The following AMMECR1 variants were observed in gnomAD, a reference collection of about 807,000 sequenced individuals.
AMMECR1 encodes the protein nuclear protein AMMECR1.
A neutral mutation model predicts 22.5 loss-of-function variants in AMMECR1; 3 were observed. The ratio of observed to expected loss-of-function variants is 0.13; its 90% CI spans 0.06 to 0.35. AMMECR1 has a LOEUF of 0.35. Among genes scored for constraint, AMMECR1 ranks in the 10% least tolerant of loss-of-function variants. AMMECR1 has a pLI of 1.00. For synonymous variants in AMMECR1, 130 were observed against 116.7 expected, an observed-to-expected ratio of 1.11 and a Z score of -0.74; for missense variants, 235 against 278.7, an observed-to-expected ratio of 0.84 and a Z score of 1.12.
intron 2 of AMMECR1, among the ~76,000 whole-genome samples, chrX:110,220,167 A>T (rs993205061): frequency 8.9e-6 from 1 of 112,256 alleles, no homozygotes; most frequent in Non-Finnish European, 1.9e-5. Context: ...AGCTAAGTTA[A>T]TGACAAGGGT....
chrX:110,312,323 C>T (rs1051432836), intron 1 of AMMECR1, among the ~76,000 whole-genome samples: 1 of 112,603 alleles, frequency 8.9e-6, no homozygotes, highest in Admixed American at 9.3e-5. Flanking sequence ...GACAACAACA[C>T]ACATGTTAGC....
At chrX:110,211,177 TG>T (rs2067446054) in intron 3 of AMMECR1, among the ~76,000 whole-genome samples, 1 of 112,735 alleles carries the variant, frequency 8.9e-6, no homozygotes, top group African/African-American at 3.2e-5. Context: ...TGCCTTCAAG[TG>T]ATCTTGTCTC....
intron 2 of AMMECR1, among the ~76,000 whole-genome samples, chrX:110,401,571 T>A (rs2068565189): frequency 9.0e-6 from 1 of 111,682 alleles, no homozygotes; most frequent in Non-Finnish European, 1.9e-5. Flanking sequence ...TGTAGGTGTT[T>A]CTGTGTTGTG....
intron 2 of AMMECR1, among the ~76,000 whole-genome samples, chrX:110,361,846 A>G (rs1024445697): frequency 8.9e-6 from 1 of 112,306 alleles, no homozygotes; most frequent in Non-Finnish European, 1.9e-5. Context: ...AGGCTTTGTG[A>G]GCCACGTAAT....
At chrX:110,346,021 C>T (rs1479788514) in intron 2 of AMMECR1, among the ~76,000 whole-genome samples, 1 of 111,821 alleles carries the variant, frequency 8.9e-6, no homozygotes, top group Non-Finnish European at 1.9e-5. Flanking sequence ...AGATAATAAA[C>T]AAGGTCATAC....
intron 1 of AMMECR1, among the ~76,000 whole-genome samples, chrX:110,278,781 T>C (rs1252762591): frequency 8.9e-6 from 1 of 111,881 alleles, no homozygotes; most frequent in Non-Finnish European, 1.9e-5. Flanking sequence ...GGTCTGGAAA[T>C]GGCAGTGACC....
chrX:110,216,512 T>C lies in AMMECR1; in HGVS notation c.699+6A>G. On this transcript the variant is annotated splice_donor_region_variant and intron_variant, in intron 3 of 5. Coordinates refer to ENST00000262844, the MANE Select transcript of AMMECR1 (RefSeq NM_015365.3). ...TTTTTCTTTAAAAATTTTTCTATAA[T>C]CTTACCTCCCAGTCCAAATAATCAC... The C allele has an allele frequency of 8.5e-7, 1 of 1,182,195 alleles. No homozygotes were observed. Among genetic ancestry groups the C allele is most frequent in the South Asian group, 1.8e-5 (1 of 54,790 alleles).
At position 110,198,427 on chromosome X, in the gene AMMECR1, G is replaced by T; in HGVS notation, c.*93C>A. On this transcript the variant is annotated 3_prime_UTR_variant, in exon 6 of 6. Transcript: ENST00000262844. The stretch of plus-strand genomic sequence containing the variant: ...CAACGGAAACTATCATCATAAAATG[G>T]TACAGTAAAAGAGATAGCTAGACCA... 1 of 457,005 alleles carries T rather than the reference G, an allele frequency of 2.2e-6. No homozygotes were observed. Among genetic ancestry groups the T allele is most frequent in the Non-Finnish European group, 3.5e-6 (1 of 285,177 alleles). The allele number at this position is 457,005 out of a possible 1,213,427, so 37.7% of individuals were successfully genotyped here.
intron 2 of AMMECR1, among the ~76,000 whole-genome samples, chrX:110,328,229 T>C (rs1405558523): frequency 8.9e-6 from 1 of 111,868 alleles, no homozygotes; most frequent in Admixed American, 9.5e-5. Flanking sequence ...ATTCATTTAC[T>C]GCACAACTTC....
At chrX:110,436,678 A>G (rs1020104443) in intron 1 of AMMECR1, among the ~76,000 whole-genome samples, 5 of 111,699 alleles carry the variant, frequency 4.5e-5, no homozygotes, top group African/African-American at 1.6e-4. Flanking sequence ...TGGACTCTGT[A>G]TCCCCAGGAG....
chrX:110,419,520 A>G (rs1438446412), intron 2 of AMMECR1, among the ~76,000 whole-genome samples: 1 of 112,542 alleles, frequency 8.9e-6, no homozygotes, highest in East Asian at 2.8e-4. Flanking sequence ...TATTTATGGT[A>G]TGTCTCTCCC....
intron 2 of AMMECR1, among the ~76,000 whole-genome samples, chrX:110,376,089 G>C (rs1292017355): frequency 9.0e-6 from 1 of 111,394 alleles, no homozygotes; most frequent in Non-Finnish European, 1.9e-5. Flanking sequence ...CCATGGTAAG[G>C]TGGTTTCAGA....
At chrX:110,371,955 T>C (rs754073546) in intron 2 of AMMECR1, among the ~76,000 whole-genome samples, 1 of 111,613 alleles carries the variant, frequency 9.0e-6, no homozygotes. Context: ...ATGCTCTCAA[T>C]ATCCTACTAG....
rs188448213 is a variant in AMMECR1 at position 110,226,378 on chromosome X, G to A, written c.585-9746C>T. On this transcript the variant is annotated intron_variant, in intron 2 of 5. Coordinates refer to ENST00000262844, the MANE Select transcript of AMMECR1 (RefSeq NM_015365.3). ...CCCAGCACTTTGGGAGGCCAAGGCA[G>A]GCGGATCACGAGGTCAGGAGTTCAA... Among the ~76,000 whole-genome samples, 469 of 111,842 alleles carry A rather than the reference G, an allele frequency of 4.2e-3. 2 individuals are homozygous for A. The highest frequency in any genetic ancestry group is 6.4e-3 in the Non-Finnish European group (339 of 53,140).
intron 1 of AMMECR1, among the ~76,000 whole-genome samples, chrX:110,427,232 T>A (rs763839073): frequency 8.9e-6 from 1 of 111,898 alleles, no homozygotes; most frequent in East Asian, 2.8e-4. Context: ...CTCCCCAAAG[T>A]GGCCTGAGTG....
intron 2 of AMMECR1, among the ~76,000 whole-genome samples, chrX:110,223,278 G>C (rs2067513851): frequency 8.9e-6 from 1 of 112,395 alleles, no homozygotes; most frequent in Non-Finnish European, 1.9e-5. Flanking sequence ...CTTGTTTTTA[G>C]AAATGAACTA....
At chrX:110,365,360 T>A (rs1030462662) in intron 2 of AMMECR1, among the ~76,000 whole-genome samples, 1 of 112,262 alleles carries the variant, frequency 8.9e-6, no homozygotes, top group Non-Finnish European at 1.9e-5. Context: ...GACGTTGAAA[T>A]ACAGAATAAA....
chrX:110,262,356 G>T (rs1018461485), intron 2 of AMMECR1, among the ~76,000 whole-genome samples: 2 of 111,605 alleles, frequency 1.8e-5, no homozygotes, highest in Non-Finnish European at 3.8e-5. Flanking sequence ...ACACACACAC[G>T]CCTCTTTAAT....
chrX:110,409,674 A>T (rs1177642582), intron 2 of AMMECR1, among the ~76,000 whole-genome samples: 3 of 106,138 alleles, frequency 2.8e-5, no homozygotes, highest in African/African-American at 1.1e-4. Flanking sequence ...CCCTGATCCC[A>T]TCAATAATAC....
Sources: allele counts gnomAD v4.1 joint callset (sites outside exome capture counted in the v4.1 genomes callset), GRCh38; gene constraint gnomAD v4.1.1; transcripts MANE v1.5; gene names NCBI Gene and HGNC (gene_info 2026-07-23, HGNC 2026-07-21).